MFSD8: variants seen among roughly 807,000 people sequenced by gnomAD.
The protein encoded by MFSD8 is major facilitator superfamily domain-containing protein 8.
Under a neutral mutation model 66.4 loss-of-function variants are expected in MFSD8, and 55 were observed. The observed-to-expected ratio is 0.83, with a 90% confidence interval of 0.67 to 1.04. The LOEUF (loss-of-function observed/expected upper bound fraction) is 1.04. MFSD8 is among the 50% of genes least tolerant of loss of function. The pLI, the probability that MFSD8 is intolerant of heterozygous loss-of-function variation, is 0.00. For missense variants in MFSD8, 550 were observed against 627.6 expected, an observed-to-expected ratio of 0.88 and a Z score of 1.32; for synonymous variants, 202 against 212.8, an observed-to-expected ratio of 0.95 and a Z score of 0.44.
chr4:127,927,212 A>G (rs1737356919), intron 9 of MFSD8, among the ~76,000 whole-genome samples: 1 of 151,302 alleles, frequency 6.6e-6, no homozygotes, highest in Non-Finnish European at 1.5e-5. Context: ...TTGAGATGGA[A>G]TTTCACTCTT....
At chr4:127,960,501 G>T (rs958361867) in intron 1 of MFSD8, among the ~76,000 whole-genome samples, 2 of 152,132 alleles carry the variant, frequency 1.3e-5, no homozygotes, top group Non-Finnish European at 1.5e-5. Context: ...CTGCACTCCA[G>T]CCTGGGCAAC....
At chr4:127,947,456 T>G (rs1741234729) in intron 3 of MFSD8, among the ~76,000 whole-genome samples, 1 of 151,740 alleles carries the variant, frequency 6.6e-6, no homozygotes, top group Non-Finnish European at 1.5e-5. Flanking sequence ...CTGGCGTCTG[T>G]AGTCCCAGCT....
chr4:127,930,227 G>A (rs1018924628), intron 9 of MFSD8, among the ~76,000 whole-genome samples: 4 of 151,892 alleles, frequency 2.6e-5, no homozygotes, highest in African/African-American at 9.7e-5. Flanking sequence ...GTAACAATAC[G>A]AGACCTTGTC....
intron 1 of MFSD8, among the ~76,000 whole-genome samples, chr4:127,958,959 G>T (rs114193814): frequency 0.026 from 3,974 of 152,226 alleles, 154 homozygotes; most frequent in African/African-American, 0.091. Flanking sequence ...CTGGAAGATT[G>T]TTAAGGAGAG....
intron 1 of MFSD8, among the ~76,000 whole-genome samples, chr4:127,960,408 T>C (rs1743549797): frequency 6.6e-6 from 1 of 152,134 alleles, no homozygotes; most frequent in African/African-American, 2.4e-5. Flanking sequence ...TGGATGCCTG[T>C]AGCCCCAGCT....
intron 2 of MFSD8, among the ~76,000 whole-genome samples, chr4:127,951,630 C>A (rs1398512878): frequency 6.6e-6 from 1 of 152,114 alleles, no homozygotes; most frequent in Non-Finnish European, 1.5e-5. Flanking sequence ...TAAACAACCA[C>A]TAATGTACTT....
chr4:127,937,974 G>GT (rs1013206458), intron 7 of MFSD8, among the ~76,000 whole-genome samples: 16 of 150,974 alleles, frequency 1.1e-4, no homozygotes, highest in South Asian at 4.2e-4. Flanking sequence ...TAAATAACAG[G>GT]TTTTTTTTTG....
At chr4:127,952,017 C>T (rs754460799) in intron 2 of MFSD8, among the ~76,000 whole-genome samples, 53 of 151,880 alleles carry the variant, frequency 3.5e-4, no homozygotes, top group Non-Finnish European at 6.3e-4. Flanking sequence ...TGTGAGCAAC[C>T]GCGCCTGGCC....
At chr4:127,936,702 T>C (rs984333848) in intron 7 of MFSD8, among the ~76,000 whole-genome samples, 1 of 152,002 alleles carries the variant, frequency 6.6e-6, no homozygotes, top group Admixed American at 6.5e-5. Flanking sequence ...TATATTTTTA[T>C]ATTTCTTTAT....
In MFSD8 at chr4:127,942,198, A is replaced by G. The variant is rs778039878; in HGVS notation, c.440-40T>C. The G allele has an allele frequency of 2.7e-6, 4 of 1,468,994 alleles. No individual in the cohort carries two copies. In the South Asian group the frequency reaches 3.4e-5, roughly 12 times the overall value. The allele number at this position is 1,468,994 out of a possible 1,614,324, so 91.0% of individuals were successfully genotyped here. On this transcript the variant is annotated intron_variant, in intron 4 of 11. Transcript: ENST00000641686. ...ACAATAATCCAAAGTAAAAGAAAGT[A>G]TCATTCAGCTTATAAAATTCAATCC...
At chr4:127,930,840 T>C (rs1241143733) in intron 8 of MFSD8, 23 bp from the exon 9 acceptor site, 7 of 1,590,846 alleles carry the variant, frequency 4.4e-6, no homozygotes. Flanking sequence ...AAATTATTCT[T>C]ATTTTATTTA....
intron 9 of MFSD8, among the ~76,000 whole-genome samples, chr4:127,929,444 C>T (rs902157139): frequency 4.0e-5 from 6 of 148,638 alleles, no homozygotes; most frequent in Non-Finnish European, 8.9e-5. Flanking sequence ...AAAAATTAGC[C>T]AGGCATTATG....
chr4:127,944,967 A>C (rs1193598896), intron 3 of MFSD8, among the ~76,000 whole-genome samples: 2 of 152,302 alleles, frequency 1.3e-5, no homozygotes, highest in South Asian at 4.1e-4. Context: ...TATTGGGATT[A>C]GTGGCATGAG....
chr4:127,931,475 A>G (rs976189586), intron 8 of MFSD8, among the ~76,000 whole-genome samples: 2 of 152,130 alleles, frequency 1.3e-5, no homozygotes, highest in Non-Finnish European at 2.9e-5. Flanking sequence ...CTCCTGCCTC[A>G]GCTTCCTGAG....
chr4:127,921,901 A>G lies in MFSD8; in HGVS notation c.1061T>C (p.Leu354Ser), dbSNP rs777843146. Residue 354 changes from leucine (L) to serine (S), a missense_variant, in exon 10 of 12, where the codon TTG becomes TCG. Transcript: ENST00000641686. Reference sequence around the variant, plus strand: ...GGGAAATTGATTTCCCCAAGGTAACAAGATAAAGAAGCCAACCCATACAAC... The same window carrying G: ...GGGAAATTGATTTCCCCAAGGTAACGAGATAAAGAAGCCAACCCATACAAC... The part of the protein sequence containing the change: ...LIVVWVGFFI[L>S]LPWGNQFPKI... 4 of 1,614,084 alleles carry G rather than the reference A, an allele frequency of 2.5e-6. No homozygotes were observed. The highest frequency in any genetic ancestry group is 3.4e-6 in the Non-Finnish European group (4 of 1,180,036).
intron 2 of MFSD8, among the ~76,000 whole-genome samples, chr4:127,950,453 G>A (rs1337012900): frequency 6.6e-6 from 1 of 152,176 alleles, no homozygotes; most frequent in Non-Finnish European, 1.5e-5. Context: ...ACTTTGGGAG[G>A]CTGAGGCAGG....
At chr4:127,937,097 A>C (rs887106339) in intron 7 of MFSD8, among the ~76,000 whole-genome samples, 2 of 152,190 alleles carry the variant, frequency 1.3e-5, no homozygotes, top group Admixed American at 1.3e-4. Context: ...CATTCCTCAG[A>C]TTCAACAATC....
At position 127,942,072 on chromosome 4, in the gene MFSD8, G is replaced by A; in HGVS notation, c.526C>T (p.Gln176Ter). 6.2e-7 allele frequency: 1 copy of A among 1,613,876 alleles called. No individual in the cohort carries two copies. The highest frequency in any genetic ancestry group is 2.2e-5 in the East Asian group (1 of 44,854). Reference sequence around the variant, plus strand: ...GGACCTAGAATAAAACCTAATGCTTGACACATGCTTATGTTTGCCATGGAA... The same window carrying A: ...GGACCTAGAATAAAACCTAATGCTTAACACATGCTTATGTTTGCCATGGAA... ...TSSMANISMC[Q>*]ALGFILGPVF... The change falls in exon 5 of 12, where the codon CAA (glutamine) becomes TAA (stop). Residue 176 changes from glutamine (Q) to a stop codon, truncating the protein, a stop_gained. Transcript: ENST00000641686. LOFTEE classifies it high-confidence loss of function.
At chr4:127,963,766 G>A (rs760416158) in intron 1 of MFSD8, among the ~76,000 whole-genome samples, 1 of 152,222 alleles carries the variant, frequency 6.6e-6, no homozygotes, top group Non-Finnish European at 1.5e-5. Context: ...TCCACACTGT[G>A]GAAAGGGACC....
Sources: allele counts gnomAD v4.1 joint callset (sites outside exome capture counted in the v4.1 genomes callset), GRCh38; gene constraint gnomAD v4.1.1; transcripts MANE v1.5; gene names NCBI Gene and HGNC (gene_info 2026-07-23, HGNC 2026-07-21).